Variants in ACTN2 observed in about 807,000 individuals in gnomAD.
The protein encoded by ACTN2 is alpha-actinin-2.
ACTN2 carries 39 observed loss-of-function variants against 113.8 expected under a neutral mutation model. The ratio of observed to expected loss-of-function variants is 0.34; its 90% confidence interval spans 0.27 to 0.45. The LOEUF (loss-of-function observed/expected upper bound fraction) is 0.45, where lower values mean the gene tolerates loss of function less well. ACTN2 is among the 20% of genes least tolerant of loss of function. The pLI, the probability that ACTN2 is intolerant of heterozygous loss-of-function variation, is 1.00. For missense variants in ACTN2, 992 were observed against 1,177.9 expected, an observed-to-expected ratio of 0.84 and a Z score of 2.31; for synonymous variants, 429 against 444.1, an observed-to-expected ratio of 0.97 and a Z score of 0.43.
intron 17 of ACTN2, among the ~76,000 whole-genome samples, chr1:236,755,627 T>A (rs1272471754): frequency 4.0e-5 from 6 of 150,456 alleles, no homozygotes; most frequent in Admixed American, 4.0e-4. Context: ...GTTAGAATCC[T>A]GATAATATAC....
At position 236,731,404 on chromosome 1, in the gene ACTN2, G is replaced by A. The variant is rs1245853484; in HGVS notation, c.697+90G>A. 1.8e-5 allele frequency: 19 copies of A among 1,037,410 alleles called. No individual in the cohort carries two copies. In the East Asian group the frequency reaches 3.1e-4, roughly 17 times the overall value. 64.3% of individuals were successfully genotyped at this position (1,037,410 alleles called of 1,614,324 possible). On this transcript the variant is annotated intron_variant, in intron 7 of 20. Coordinates refer to ENST00000366578, the MANE Select transcript of ACTN2 (RefSeq NM_001103.4). ...CATTGGGACCTTGCAAAATTTTATA[G>A]CGAAGTTACATCCGAAGTACTTTGG...
chr1:236,715,843 C>G (rs1185655194), intron 1 of ACTN2, among the ~76,000 whole-genome samples: 3 of 152,200 alleles, frequency 2.0e-5, no homozygotes, highest in Non-Finnish European at 2.9e-5. Flanking sequence ...GTATTCCTAG[C>G]TACTAGGGTG....
intron 19 of ACTN2, 120 bp from the exon 20 acceptor site, chr1:236,760,894 CA>C: frequency 7.9e-7 from 1 of 1,263,078 alleles, no homozygotes; most frequent in Non-Finnish European, 1.2e-6. Flanking sequence ...AAGGGAAACG[CA>C]GGTAATAATT....
rs769334150 is a variant in ACTN2 at position 236,744,654 on chromosome 1, T to C, written c.1284T>C (p.Asp428=). ...YGKEQILLQK[D]YESASLTEVR... Reference sequence around the variant, plus strand: ...AAGAGCAGATCTTGCTGCAGAAGGATTACGAGTCGGCGTCGCTGACAGAGG... The same window carrying C: ...AAGAGCAGATCTTGCTGCAGAAGGACTACGAGTCGGCGTCGCTGACAGAGG... Residue 428 remains aspartate (D), a synonymous_variant, in exon 12 of 21, where the codon GAT becomes GAC. Transcript: ENST00000366578. The C allele has an allele frequency of 2.9e-5, 47 of 1,614,200 alleles. No homozygotes were observed. The highest frequency in any genetic ancestry group is 3.9e-5 in the Non-Finnish European group (46 of 1,180,030).
At chr1:236,721,022 G>GTTTTTTTTTTTTTTTTTTTTTTTT (rs869077774) in intron 4 of ACTN2, among the ~76,000 whole-genome samples, 3 of 66,510 alleles carry the variant, frequency 4.5e-5, no homozygotes, top group Non-Finnish European at 5.3e-5. Flanking sequence ...TTTGTTTTTT[G>GTTTTTTTTTTTTTTTTTTTTTTTT]TTTTTTTTTT....
chr1:236,723,665 A>G (rs1658464845), intron 4 of ACTN2, among the ~76,000 whole-genome samples: 1 of 151,930 alleles, frequency 6.6e-6, no homozygotes, highest in African/African-American at 2.4e-5. Flanking sequence ...GGGATTCGCC[A>G]TCTTGGGTCT....
At chr1:236,736,083 G>A (rs4659709) in intron 8 of ACTN2, among the ~76,000 whole-genome samples, 70,087 of 152,182 alleles carry the variant, frequency 0.46, 19,165 homozygotes, top group Non-Finnish European at 0.61. Flanking sequence ...ACCCGGCCTT[G>A]TTCTCTGCTT....
At chr1:236,724,311 C>T (rs1037592634) in intron 4 of ACTN2, among the ~76,000 whole-genome samples, 1 of 152,188 alleles carries the variant, frequency 6.6e-6, no homozygotes, top group East Asian at 1.9e-4. Context: ...CCTAAAGGCC[C>T]CATCTCCAAA....
chr1:236,712,877 T>C (rs707209), intron 1 of ACTN2, among the ~76,000 whole-genome samples: 151,644 of 151,674 alleles, frequency 1, 75,807 homozygotes, highest in Non-Finnish European at 1. Flanking sequence ...ATTTTAAAAA[T>C]TTTATAAATG....
At chr1:236,738,212 G>A (rs7546051) in intron 9 of ACTN2, among the ~76,000 whole-genome samples, 1 of 152,164 alleles carries the variant, frequency 6.6e-6, no homozygotes, top group African/African-American at 2.4e-5. Flanking sequence ...TTTCACCGTG[G>A]TAGCCTGGCT....
intron 1 of ACTN2, among the ~76,000 whole-genome samples, chr1:236,711,526 T>C (rs1319911070): frequency 6.6e-6 from 1 of 152,116 alleles, no homozygotes; most frequent in Non-Finnish European, 1.5e-5. Flanking sequence ...GTTTTTATAT[T>C]TTTAGTAGAG....
At chr1:236,702,279 A>C (rs755119105) in intron 1 of ACTN2, among the ~76,000 whole-genome samples, 5 of 152,232 alleles carry the variant, frequency 3.3e-5, no homozygotes, top group Non-Finnish European at 5.9e-5. Flanking sequence ...ACATCATTAC[A>C]GACAACTAGG....
Position 236,744,794 on chromosome 1 carries a change from C to G in ACTN2, c.1406+18C>G, listed in dbSNP as rs571362372. 5.6e-5 allele frequency: 91 copies of G among 1,613,962 alleles called. No homozygotes were observed. The South Asian group carries it at 9.8e-4, about 17-fold the overall frequency. ...GAGCTCAAGTATGTGCAGATGCCCTCCGTCCTCCCGGGAGCCCCTGGGATT... is the reference window on the plus strand; with the variant it reads ...GAGCTCAAGTATGTGCAGATGCCCTGCGTCCTCCCGGGAGCCCCTGGGATT... On this transcript the variant is annotated intron_variant, in intron 12 of 20. Coordinates refer to ENST00000366578, the MANE Select transcript of ACTN2 (RefSeq NM_001103.4).
At chr1:236,701,547 T>C (rs1332904405) in intron 1 of ACTN2, among the ~76,000 whole-genome samples, 5 of 152,098 alleles carry the variant, frequency 3.3e-5, no homozygotes, top group Non-Finnish European at 7.4e-5. Flanking sequence ...TGAAACGGGG[T>C]TGACTGTTAT....
At chr1:236,696,649 A>G (rs1354223667) in intron 1 of ACTN2, among the ~76,000 whole-genome samples, 1 of 150,318 alleles carries the variant, frequency 6.7e-6, no homozygotes, top group Non-Finnish European at 1.5e-5. Flanking sequence ...AAACAACTTT[A>G]CTGCTGTTGT....
chr1:236,722,269 A>G (rs1658416867), intron 4 of ACTN2, among the ~76,000 whole-genome samples: 1 of 152,148 alleles, frequency 6.6e-6, no homozygotes. Flanking sequence ...ATTCATTGTT[A>G]TTAGAATCAA....
Position 236,747,735 on chromosome 1 carries a change from G to T in ACTN2, c.1475G>T (p.Arg492Leu). ...RCQKICDQWD[R>L]LGTLTQKRRE... ...CAGAAAATTTGTGACCAGTGGGACC[G>T]ACTGGGAACGCTTACTCAGAAGAGG... The change falls in exon 13 of 21, where the codon CGA (arginine) becomes CTA (leucine). Residue 492 changes from arginine to leucine, a missense_variant. Arg to Leu is a moderately radical substitution (Grantham distance 102, BLOSUM62 -2). Coordinates refer to ENST00000366578, the MANE Select transcript of ACTN2 (RefSeq NM_001103.4). 1 of 1,614,056 alleles carries T rather than the reference G, an allele frequency of 6.2e-7. No individual in the cohort carries two copies. Among genetic ancestry groups the T allele is most frequent in the South Asian group, 1.1e-5 (1 of 91,040 alleles).
chr1:236,717,326 A>C (rs1001156024), intron 1 of ACTN2, among the ~76,000 whole-genome samples: 1 of 152,032 alleles, frequency 6.6e-6, no homozygotes, highest in Admixed American at 6.5e-5. Flanking sequence ...AGTCCCAGCT[A>C]CTTAGGGGGC....
At chr1:236,691,143 T>C (rs570635542) in intron 1 of ACTN2, among the ~76,000 whole-genome samples, 5 of 151,784 alleles carry the variant, frequency 3.3e-5, no homozygotes, top group East Asian at 2.0e-4. Context: ...GGGATTTCAC[T>C]GTGTTAGCCA....
Sources: allele counts gnomAD v4.1 joint callset (sites outside exome capture counted in the v4.1 genomes callset), GRCh38; gene constraint gnomAD v4.1.1; transcripts MANE v1.5; gene names NCBI Gene and HGNC (gene_info 2026-07-23, HGNC 2026-07-21).